The following DLL4 variants were observed in gnomAD, a reference collection of about 807,000 sequenced individuals.
The protein encoded by DLL4 is delta-like protein 4.
A neutral mutation model predicts 73.6 loss-of-function variants in DLL4; 7 were observed. That is an observed-to-expected ratio of 0.10 (90% CI 0.05 to 0.18). The LOEUF (loss-of-function observed/expected upper bound fraction) is 0.18. Ranked by LOEUF, DLL4 falls within the 10% of genes least tolerant of loss-of-function variation. The probability of loss-of-function intolerance (pLI) is 1.00; values close to 1 mark genes in which losing one functional copy is unlikely to be tolerated. For missense variants in DLL4, 614 were observed against 929.9 expected (o/e 0.66, Z 4.42); for synonymous variants, 345 against 374.3 (o/e 0.92, Z 0.90).
chr15:40,929,464 G>C lies in DLL4; in HGVS notation c.-205G>C, dbSNP rs1892730707. 2 of 553,366 alleles carry C rather than the reference G, an allele frequency of 3.6e-6. No homozygotes were observed. The highest frequency in any genetic ancestry group is 2.7e-5 in the South Asian group (1 of 37,088). 34.3% of individuals were successfully genotyped at this position (553,366 alleles called of 1,614,324 possible). A position where few individuals can be genotyped will look rare whatever the true frequency, so the allele number is the denominator to read the frequency against. On this transcript the variant is annotated 5_prime_UTR_variant, in exon 1 of 11. Coordinates refer to ENST00000249749, the MANE Select transcript of DLL4 (RefSeq NM_019074.4). This position sits in a 1 kb window ranked among gnomAD's most constrained non-coding sequence, Gnocchi z 7.1. ...AGGATTAGACAGAAGACGCGTCCTC[G>C]GCGCGGTCGCCGCCCAGCCGTAGTC...
At chr15:40,931,370 G>C (rs915777406) in intron 3 of DLL4, 133 bp from the exon 4 acceptor site, 9 of 1,126,500 alleles carry the variant, frequency 8.0e-6, no homozygotes, top group Non-Finnish European at 1.1e-5. Context: ...CTGGCAGGCG[G>C]GGGTCATCTG....
intron 6 of DLL4, among the ~76,000 whole-genome samples, chr15:40,933,882 C>G (rs952200520): frequency 2.0e-5 from 3 of 151,850 alleles, no homozygotes; most frequent in African/African-American, 7.3e-5. Context: ...AAAAGTTAGC[C>G]AGGTGTGGTG....
Position 40,938,472 on chromosome 15 carries a change from G to T in DLL4, c.*438G>T. 1 of 158,756 alleles carries T rather than the reference G, an allele frequency of 6.3e-6. No individual in the cohort carries two copies. 9.8% of individuals were successfully genotyped at this position (158,756 alleles called of 1,614,324 possible). A position where few individuals can be genotyped will look rare whatever the true frequency, so the allele number is the denominator to read the frequency against. On this transcript the variant is annotated 3_prime_UTR_variant, in exon 11 of 11. Coordinates refer to ENST00000249749, the MANE Select transcript of DLL4 (RefSeq NM_019074.4). ...ACAGTTGGGCCCAAATCAGAAAGGA[G>T]AGAGGGGGCCAATGAGGGCAGGGCC...
In DLL4 at chr15:40,930,250, G is replaced by A; in HGVS notation, c.336+134G>A. 1.8e-6 allele frequency: 2 copies of A among 1,124,902 alleles called. No individual in the cohort carries two copies. Among genetic ancestry groups the A allele is most frequent in the Admixed American group, 4.8e-5 (2 of 41,466 alleles). 69.7% of individuals were successfully genotyped at this position (1,124,902 alleles called of 1,614,324 possible). ...AAAGCCCAGGATGCATTCTTTCCTG[G>A]CTCTTCCCGACTCTCTCCTGAGACT... is the stretch of plus-strand genomic sequence containing the variant. On this transcript the variant is annotated intron_variant, in intron 2 of 10. Transcript: ENST00000249749. This position sits in a 1 kb window ranked among gnomAD's most constrained non-coding sequence, Gnocchi z 5.7.
Position 40,929,373 on chromosome 15 carries a change from G to A in DLL4, c.-296G>A. On this transcript the variant is annotated 5_prime_UTR_variant, in exon 1 of 11. Coordinates refer to ENST00000249749, the MANE Select transcript of DLL4 (RefSeq NM_019074.4). This position sits in a 1 kb window ranked among gnomAD's most constrained non-coding sequence, Gnocchi z 7.1. ...CGCTGCGCGCAGGCCGGGAACACGAGGCCAAGAGCCGCAGCCCCAGCCGCC... is the reference window on the plus strand; with the variant it reads ...CGCTGCGCGCAGGCCGGGAACACGAAGCCAAGAGCCGCAGCCCCAGCCGCC... 1 of 417,962 alleles carries A rather than the reference G, an allele frequency of 2.4e-6. No individual in the cohort carries two copies. The highest frequency in any genetic ancestry group is 4.2e-6 in the Non-Finnish European group (1 of 237,402). The allele number at this position is 417,962 out of a possible 1,614,324, so 25.9% of individuals were successfully genotyped here.
In DLL4 at chr15:40,930,178, CA is replaced by C. The variant is rs979188542; in HGVS notation, c.336+65del. On this transcript the variant is annotated intron_variant, in intron 2 of 10. Coordinates refer to ENST00000249749, the MANE Select transcript of DLL4 (RefSeq NM_019074.4). This position sits in a 1 kb window ranked among gnomAD's most constrained non-coding sequence, Gnocchi z 5.7. ...GCCGAGAGAGGAGGCGCCCTGGGAC[CA>C]AAGCCCCCTCCCCAGATTTCCTTGT... is the stretch of plus-strand genomic sequence containing the variant. 19 of 1,551,768 alleles carry C rather than the reference CA, an allele frequency of 1.2e-5. No homozygotes were observed. The African/African-American group carries it at 2.0e-4, about 17-fold the overall frequency.
chr15:40,938,057 C>A lies in DLL4; in HGVS notation c.*23C>A. ...TAAGGCAGGAGCCTACCTGGACATCCCTGCTCAGCCCCGCGGCTGGACCTT... is the reference window on the plus strand; with the variant it reads ...TAAGGCAGGAGCCTACCTGGACATCACTGCTCAGCCCCGCGGCTGGACCTT... On this transcript the variant is annotated 3_prime_UTR_variant, in exon 11 of 11. Transcript: ENST00000249749. 2 of 1,544,916 alleles carry A rather than the reference C, an allele frequency of 1.3e-6. No homozygotes were observed. Among genetic ancestry groups the A allele is most frequent in the Non-Finnish European group, 1.7e-6 (2 of 1,148,752 alleles).
chr15:40,937,593 C>T (rs1313841519), intron 10 of DLL4, 67 bp downstream of exon 10: 1 of 1,162,050 alleles, frequency 8.6e-7, no homozygotes. Flanking sequence ...CACTCTTGAC[C>T]CATGGGCCAT....
In DLL4 at chr15:40,930,589, C is replaced by T. The variant is rs748151886; in HGVS notation, c.337-36C>T. 8 of 1,600,112 alleles carry T rather than the reference C, an allele frequency of 5.0e-6. No homozygotes were observed. The highest frequency in any genetic ancestry group is 6.8e-6 in the Non-Finnish European group (8 of 1,168,508). The stretch of plus-strand genomic sequence containing the variant: ...CCCCCACCTCTCCCCGCTTGCTCAT[C>T]TCGCCATCTCTCCGTCCCCCCACCC... On this transcript the variant is annotated intron_variant, in intron 2 of 10. Coordinates refer to ENST00000249749, the MANE Select transcript of DLL4 (RefSeq NM_019074.4). This position sits in a 1 kb window ranked among gnomAD's most constrained non-coding sequence, Gnocchi z 5.7.
rs767847968 is a variant in DLL4 at position 40,938,171 on chromosome 15, C to T, written c.*137C>T. 4.4e-5 allele frequency: 44 copies of T among 996,460 alleles called. No homozygotes were observed. The highest frequency in any genetic ancestry group is 6.2e-5 in the East Asian group (2 of 32,454). 61.7% of individuals were successfully genotyped at this position (996,460 alleles called of 1,614,324 possible). ...AGGAGGAGGAGGGAATGGCAGGAAC[C>T]GGACAGACTGTGAACTTGCCAAGAG... On this transcript the variant is annotated 3_prime_UTR_variant, in exon 11 of 11. Coordinates refer to ENST00000249749, the MANE Select transcript of DLL4 (RefSeq NM_019074.4).
At chr15:40,936,966 G>C (rs774538443) in intron 9 of DLL4, 36 bp downstream of exon 9, 1 of 1,508,290 alleles carries the variant, frequency 6.6e-7, no homozygotes, top group Non-Finnish European at 8.9e-7. Flanking sequence ...CCTGGCCACC[G>C]GCCCCGACAT....
Position 40,930,251 on chromosome 15 carries a change from C to T in DLL4, c.336+135C>T. 1 of 1,069,924 alleles carries T rather than the reference C, an allele frequency of 9.3e-7. No homozygotes were observed. The highest frequency in any genetic ancestry group is 2.6e-5 in the East Asian group (1 of 38,440). 66.3% of individuals were successfully genotyped at this position (1,069,924 alleles called of 1,614,324 possible). A position where few individuals can be genotyped will look rare whatever the true frequency, so the allele number is the denominator to read the frequency against. On this transcript the variant is annotated intron_variant, in intron 2 of 10. Transcript: ENST00000249749. This position sits in a 1 kb window ranked among gnomAD's most constrained non-coding sequence, Gnocchi z 5.7. ...AAGCCCAGGATGCATTCTTTCCTGG[C>T]TCTTCCCGACTCTCTCCTGAGACTG...
intron 6 of DLL4, among the ~76,000 whole-genome samples, chr15:40,933,386 G>C (rs1892798051): frequency 6.6e-6 from 1 of 151,844 alleles, no homozygotes; most frequent in South Asian, 2.1e-4. Context: ...TTGCTCCCAG[G>C]TGACACAGTC....
chr15:40,932,715 G>A (rs552785165), intron 6 of DLL4, among the ~76,000 whole-genome samples: 49 of 152,286 alleles, frequency 3.2e-4, no homozygotes, highest in Non-Finnish European at 5.3e-4. Flanking sequence ...CCTGGAGGTT[G>A]CACTCATAAA....
At chr15:40,935,172 T>G in intron 8 of DLL4, 55 bp downstream of exon 8, 2 of 1,528,076 alleles carry the variant, frequency 1.3e-6, no homozygotes, top group Non-Finnish European at 1.8e-6. Flanking sequence ...TGAGAGAGAC[T>G]TCTGGTGAGG....
In DLL4 at chr15:40,930,364, C is replaced by T; in HGVS notation, c.336+248C>T. On this transcript the variant is annotated intron_variant, in intron 2 of 10. Transcript: ENST00000249749. The surrounding 1 kb of genome is among the most constrained non-coding windows in gnomAD (Gnocchi z 5.7). Reference sequence around the variant, plus strand: ...TTGGGACACGATTTTCATTACCTACCACTCTGGGGCGGTACCCTACCACCC... The same window carrying T: ...TTGGGACACGATTTTCATTACCTACTACTCTGGGGCGGTACCCTACCACCC... 1.6e-6 allele frequency: 1 copy of T among 637,608 alleles called. No individual in the cohort carries two copies. The highest frequency in any genetic ancestry group is 2.7e-5 in the East Asian group (1 of 36,552). 39.5% of individuals were successfully genotyped at this position (637,608 alleles called of 1,614,324 possible). A position where few individuals can be genotyped will look rare whatever the true frequency, so the allele number is the denominator to read the frequency against.
rs1892872244 is a variant in DLL4, at chr15:40,938,266, CAGAAG to C, written c.*241_*245del. ...TTGGCAGCTGCACCAACCAGAGGAA[CAGAAG>C]AGAAGAGAGATGCCACTGGGCACTG... is the stretch of plus-strand genomic sequence containing the variant. On this transcript the variant is annotated 3_prime_UTR_variant, in exon 11 of 11. Coordinates refer to ENST00000249749, the MANE Select transcript of DLL4 (RefSeq NM_019074.4). 1 of 432,352 alleles carries C rather than the reference CAGAAG, an allele frequency of 2.3e-6. No individual in the cohort carries two copies. 26.8% of individuals were successfully genotyped at this position (432,352 alleles called of 1,614,324 possible).
intron 6 of DLL4, among the ~76,000 whole-genome samples, chr15:40,934,015 C>CAAA (rs59066863): frequency 7.1e-5 from 3 of 42,130 alleles, no homozygotes; most frequent in African/African-American, 2.9e-4. Flanking sequence ...GACTCCGTCT[C>CAAA]AAAAAAAAAA....
In DLL4 at chr15:40,932,179, C is replaced by G; in HGVS notation, c.667C>G (p.Leu223Val). 6.2e-7 allele frequency: 1 copy of G among 1,614,054 alleles called. No homozygotes were observed. Among genetic ancestry groups the G allele is most frequent in the Non-Finnish European group, 8.5e-7 (1 of 1,179,908 alleles). The change falls in exon 5 of 11, where the codon CTT becomes GTT. Residue 223 changes from leucine (L) to valine (V), a missense_variant. By Grantham distance (32) the Leu-to-Val change is conservative. This residue lies in a region of DLL4 where 227 missense variants were observed against 370.8 expected (regional missense o/e 0.61). Transcript: ENST00000249749. Reference sequence around the variant, plus strand: ...CTGTGTTCTTCCCTTAGCTATCTGTCTTTCGGGCTGTCATGAACAGAATGG... The same window carrying G: ...CTGTGTTCTTCCCTTAGCTATCTGTGTTTCGGGCTGTCATGAACAGAATGG... ...TGEYCQQPIC[L>V]SGCHEQNGYC...
Sources: allele counts gnomAD v4.1 joint callset (sites outside exome capture counted in the v4.1 genomes callset), GRCh38; gene constraint gnomAD v4.1.1; regional missense constraint gnomAD v4.1.1; non-coding constraint Gnocchi (gnomAD v3.1); transcripts MANE v1.5; gene names NCBI Gene and HGNC (gene_info 2026-07-23, HGNC 2026-07-21).